Variants in TBC1D12 observed in about 807,000 individuals in gnomAD.
The protein encoded by TBC1D12 is TBC1 domain family, member 12.
TBC1D12 carries 56 observed loss-of-function variants against 86.7 expected under a neutral mutation model. The observed-to-expected ratio is 0.65, with a 90% CI of 0.52 to 0.81. The LOEUF is 0.81. Ranked by LOEUF, TBC1D12 falls within the 30% of genes least tolerant of loss-of-function variation. TBC1D12 has a pLI of 0.00. For synonymous variants in TBC1D12, 421 were observed against 411.7 expected (o/e 1.02, Z -0.27); for missense variants, 1,023 against 1,038.8 (o/e 0.98, Z 0.21).
At chr10:94,444,172 G>GAA (rs112158621) in intron 2 of TBC1D12, among the ~76,000 whole-genome samples, 3 of 66,730 alleles carry the variant, frequency 4.5e-5, no homozygotes, top group Non-Finnish European at 9.8e-5. Flanking sequence ...TCCATCTCAA[G>GAA]AAAAAAAAAA....
intron 7 of TBC1D12, among the ~76,000 whole-genome samples, chr10:94,508,187 C>A (rs1335925584): frequency 2.0e-5 from 3 of 151,896 alleles, no homozygotes; most frequent in Non-Finnish European, 4.4e-5. Context: ...CTTCTGGACT[C>A]CAATTACATG....
At chr10:94,412,524 C>T (rs932404236) in intron 1 of TBC1D12, among the ~76,000 whole-genome samples, 10 of 152,100 alleles carry the variant, frequency 6.6e-5, no homozygotes, top group African/African-American at 1.9e-4. Flanking sequence ...GAGAAGGAAC[C>T]GAAAGGAATG....
At position 94,403,207 on chromosome 10, in the gene TBC1D12, G is replaced by C; in HGVS notation, c.594G>C (p.Pro198=). The C allele has an allele frequency of 6.7e-7, 1 of 1,502,160 alleles. No individual in the cohort carries two copies. The highest frequency in any genetic ancestry group is 8.9e-7 in the Non-Finnish European group (1 of 1,128,030). 93.1% of individuals were successfully genotyped at this position (1,502,160 alleles called of 1,614,324 possible). The change falls in exon 1 of 13, where the codon CCG becomes CCC. Residue 198 remains proline, a synonymous_variant. Coordinates refer to ENST00000225235, the MANE Select transcript of TBC1D12 (RefSeq NM_015188.2). ...PSDWASPLED[P]LRSCCLVAAD... ...ATTGGGCCTCTCCGCTTGAGGACCC[G>C]CTGCGGAGCTGCTGCCTGGTGGCCG... is the stretch of plus-strand genomic sequence containing the variant.
chr10:94,446,101 A>G (rs575112045), intron 2 of TBC1D12, among the ~76,000 whole-genome samples: 34 of 152,038 alleles, frequency 2.2e-4, no homozygotes, highest in Admixed American at 7.9e-4. Flanking sequence ...AGTGGGCATG[A>G]TTTTCTTTTT....
chr10:94,464,963 T>C (rs1017356446), intron 2 of TBC1D12, among the ~76,000 whole-genome samples: 6 of 152,332 alleles, frequency 3.9e-5, no homozygotes, highest in African/African-American at 1.4e-4. Context: ...ATTGTTTTAG[T>C]AAATTTAAGT....
intron 2 of TBC1D12, among the ~76,000 whole-genome samples, chr10:94,464,344 A>G (rs1178045908): frequency 6.6e-6 from 1 of 151,816 alleles, no homozygotes; most frequent in East Asian, 1.9e-4. Context: ...GGGTTGAATG[A>G]GTATTTTTGT....
chr10:94,415,983 C>A (rs537246046), intron 1 of TBC1D12, among the ~76,000 whole-genome samples: 2 of 152,204 alleles, frequency 1.3e-5, no homozygotes, highest in South Asian at 4.1e-4. Flanking sequence ...ATAAAATTTT[C>A]TTGAGTAAAA....
chr10:94,497,821 C>CTTTTTTTTTTTT (rs796259533), intron 5 of TBC1D12, among the ~76,000 whole-genome samples: 1 of 100,138 alleles, frequency 1.0e-5, no homozygotes, highest in African/African-American at 3.8e-5. Context: ...ACTGTGTTTT[C>CTTTTTTTTTTTT]TTTTTTTTTT....
chr10:94,507,586 A>G (rs190634627), intron 7 of TBC1D12, among the ~76,000 whole-genome samples: 171 of 152,330 alleles, frequency 1.1e-3, no homozygotes, highest in Non-Finnish European at 1.2e-3. Flanking sequence ...AAAGAAGTTT[A>G]TACTGGCAGA....
intron 11 of TBC1D12, among the ~76,000 whole-genome samples, chr10:94,525,764 T>C (rs1437099126): frequency 6.6e-6 from 1 of 152,160 alleles, no homozygotes; most frequent in Non-Finnish European, 1.5e-5. Flanking sequence ...TGTGGTTTAA[T>C]GGAATTAAGA....
intron 2 of TBC1D12, among the ~76,000 whole-genome samples, chr10:94,446,817 C>T (rs2055469118): frequency 6.6e-6 from 1 of 152,106 alleles, no homozygotes; most frequent in Non-Finnish European, 1.5e-5. Flanking sequence ...TGCGGTGGCT[C>T]ACATCTACAA....
chr10:94,505,669 A>C (rs1414126752), intron 6 of TBC1D12, among the ~76,000 whole-genome samples: 1 of 152,136 alleles, frequency 6.6e-6, no homozygotes, highest in African/African-American at 2.4e-5. Flanking sequence ...TAGAAGGGAG[A>C]AAAGATTAGA....
chr10:94,440,061 A>G (rs1483000492), intron 1 of TBC1D12, among the ~76,000 whole-genome samples: 3 of 152,238 alleles, frequency 2.0e-5, no homozygotes, highest in Non-Finnish European at 2.9e-5. Context: ...GTCACTGTAC[A>G]TGGTCTCTGA....
At chr10:94,463,227 C>G (rs2055756032) in intron 2 of TBC1D12, among the ~76,000 whole-genome samples, 1 of 152,166 alleles carries the variant, frequency 6.6e-6, no homozygotes, top group Non-Finnish European at 1.5e-5. Context: ...GTCAGTGTCT[C>G]AGTCCATTTT....
chr10:94,445,176 T>C (rs1040169339), intron 2 of TBC1D12, among the ~76,000 whole-genome samples: 10 of 150,244 alleles, frequency 6.7e-5, no homozygotes, highest in Admixed American at 6.6e-4. Flanking sequence ...CTGACCAACA[T>C]GGTGAAACCC....
intron 11 of TBC1D12, among the ~76,000 whole-genome samples, chr10:94,525,144 A>G (rs1018644498): frequency 5.9e-5 from 9 of 152,296 alleles, no homozygotes; most frequent in African/African-American, 1.7e-4. Flanking sequence ...GATTTTACTG[A>G]AGAGGAATAT....
In TBC1D12 at chr10:94,403,180, C is replaced by G. The variant is rs1007911226; in HGVS notation, c.567C>G (p.Ser189=). The G allele has an allele frequency of 6.8e-7, 1 of 1,470,492 alleles. No homozygotes were observed. Among genetic ancestry groups the G allele is most frequent in the Admixed American group, 2.7e-5 (1 of 37,490 alleles). The allele number at this position is 1,470,492 out of a possible 1,614,324, so 91.1% of individuals were successfully genotyped here. A position where few individuals can be genotyped will look rare whatever the true frequency, so the allele number is the denominator to read the frequency against. ...DEDADGAGSP[S]DWASPLEDPL... ...ACGCGGACGGCGCGGGAAGCCCGTCCGATTGGGCCTCTCCGCTTGAGGACC... is the reference window on the plus strand; with the variant it reads ...ACGCGGACGGCGCGGGAAGCCCGTCGGATTGGGCCTCTCCGCTTGAGGACC... Residue 189 remains serine (S), a synonymous_variant, in exon 1 of 13, where the codon TCC becomes TCG. Coordinates refer to ENST00000225235, the MANE Select transcript of TBC1D12 (RefSeq NM_015188.2).
At position 94,491,564 on chromosome 10, in the gene TBC1D12, G is replaced by C. The variant is rs182307778; in HGVS notation, c.1212-1801G>C. Among the ~76,000 whole-genome samples the C allele has an allele frequency of 3.3e-5, 5 of 152,284 alleles. No homozygotes were observed. The East Asian group carries it at 9.6e-4, about 29-fold the overall frequency. On this transcript the variant is annotated intron_variant, in intron 3 of 12. Transcript: ENST00000225235. The stretch of plus-strand genomic sequence containing the variant: ...AGGCAATTTCAGTTACCTGTACTCA[G>C]CTGTGGTTTGAAAACATTAAGTGGA...
intron 9 of TBC1D12, among the ~76,000 whole-genome samples, chr10:94,513,110 G>A (rs917680064): frequency 3.3e-5 from 5 of 152,154 alleles, no homozygotes; most frequent in African/African-American, 1.2e-4. Context: ...AGCTGGGCAT[G>A]GTGGCACGCG....
Sources: gnomAD v4.1 joint callset for allele counts (sites outside exome capture counted in the v4.1 genomes callset) on GRCh38, gnomAD v4.1.1 for gene constraint, MANE v1.5 for transcripts, NCBI Gene and HGNC (gene_info 2026-07-23, HGNC 2026-07-21) for gene names.